The following FAT3 variants were observed in gnomAD, a reference collection of about 807,000 sequenced individuals.
FAT3 encodes protocadherin Fat 3.
FAT3 carries 95 observed loss-of-function variants against 310.2 expected under a neutral mutation model. The observed-to-expected ratio is 0.31, with a 90% CI of 0.26 to 0.36. The LOEUF is 0.36. FAT3 is among the 10% of genes least tolerant of loss of function. FAT3 has a pLI of 1.00. For synonymous variants in FAT3, 2,314 were observed against 2,192.9 expected (o/e 1.06, Z -1.54); for missense variants, 5,408 against 5,715.6 (o/e 0.95, Z 1.74).
At chr11:92,342,598 A>G (rs1347881945) in intron 1 of FAT3, among the ~76,000 whole-genome samples, 1 of 152,018 alleles carries the variant, frequency 6.6e-6, no homozygotes, top group African/African-American at 2.4e-5. Context: ...TCTGAACTAC[A>G]TTTTGCCCCC....
intron 1 of FAT3, among the ~76,000 whole-genome samples, chr11:92,256,483 TTATTAA>T (rs1865322264): frequency 6.6e-6 from 1 of 151,764 alleles, no homozygotes; most frequent in African/African-American, 2.4e-5. Context: ...AAAATTCGAG[TTATTAA>T]TATTATGAAC....
intron 2 of FAT3, among the ~76,000 whole-genome samples, chr11:92,468,742 G>A (rs140645666): frequency 6.8e-4 from 103 of 152,200 alleles, no homozygotes; most frequent in African/African-American, 2.4e-3. Flanking sequence ...AGAGTGAAGG[G>A]GTGGGGAAAC....
chr11:92,741,751 C>T (rs1945516087), intron 4 of FAT3, among the ~76,000 whole-genome samples: 2 of 152,102 alleles, frequency 1.3e-5, no homozygotes, highest in African/African-American at 4.8e-5. Flanking sequence ...TCCTGAGACC[C>T]ATTTCCCCAG....
chr11:92,358,819 T>C lies in FAT3; in HGVS notation c.3292+3415T>C, dbSNP rs552071109. Among the ~76,000 whole-genome samples, 43 of 152,314 alleles carry C rather than the reference T, an allele frequency of 2.8e-4. No individual in the cohort carries two copies. In the South Asian group the frequency reaches 8.3e-3, roughly 29 times the overall value. Reference sequence around the variant, plus strand: ...TTGCTTCCAAGTGCTAAAAAAAATATGGTTTGAGTTGCCAGCAGAATGAAA... The same window carrying C: ...TTGCTTCCAAGTGCTAAAAAAAATACGGTTTGAGTTGCCAGCAGAATGAAA... On this transcript the variant is annotated intron_variant, in intron 2 of 27. Transcript: ENST00000525166.
intron 3 of FAT3, among the ~76,000 whole-genome samples, chr11:92,672,940 G>T (rs1033047610): frequency 6.6e-6 from 1 of 152,222 alleles, no homozygotes. Flanking sequence ...GCTGTAAGGA[G>T]AATTCAGGTA....
At chr11:92,363,887 T>C (rs1948945649) in intron 2 of FAT3, among the ~76,000 whole-genome samples, 2 of 152,186 alleles carry the variant, frequency 1.3e-5, no homozygotes, top group South Asian at 2.1e-4. Flanking sequence ...GTAGTTGTCA[T>C]GTAAGCCAGG....
chr11:92,297,327 C>A (rs114997485), intron 1 of FAT3, among the ~76,000 whole-genome samples: 2,022 of 152,084 alleles, frequency 0.013, 48 homozygotes, highest in African/African-American at 0.045. Context: ...ATGGGGAAGG[C>A]CTTGTATTAG....
chr11:92,753,947 C>T (rs928397737), intron 4 of FAT3, among the ~76,000 whole-genome samples: 1 of 151,770 alleles, frequency 6.6e-6, no homozygotes, highest in Non-Finnish European at 1.5e-5. Flanking sequence ...GGGAGCTAAG[C>T]TATGAAGATG....
At chr11:92,420,672 C>A (rs908531504) in intron 2 of FAT3, among the ~76,000 whole-genome samples, 2 of 152,166 alleles carry the variant, frequency 1.3e-5, no homozygotes, top group African/African-American at 4.8e-5. Context: ...AGGACTATGG[C>A]ATCTTGACTC....
intron 6 of FAT3, chr11:92,766,890 G>A (rs1188907160): frequency 1.3e-5 from 2 of 152,198 alleles, no homozygotes; most frequent in Non-Finnish European, 2.9e-5. Context: ...CACCCCCAGA[G>A]TCACAGAAAG....
chr11:92,513,643 C>T (rs892589412), intron 2 of FAT3, among the ~76,000 whole-genome samples: 1 of 152,006 alleles, frequency 6.6e-6, no homozygotes, highest in Admixed American at 6.6e-5. Flanking sequence ...GAATAAGAAG[C>T]TAAAAAATCT....
intron 2 of FAT3, among the ~76,000 whole-genome samples, chr11:92,404,644 T>C (rs1453596812): frequency 6.6e-6 from 1 of 151,932 alleles, no homozygotes; most frequent in Non-Finnish European, 1.5e-5. Flanking sequence ...GCTAATTTTA[T>C]GTGTCCACTT....
At chr11:92,477,710 T>C (rs1952085082) in intron 2 of FAT3, among the ~76,000 whole-genome samples, 1 of 152,242 alleles carries the variant, frequency 6.6e-6, no homozygotes, top group South Asian at 2.1e-4. Context: ...CAACAGCTGG[T>C]ACCTGACCCT....
intron 3 of FAT3, among the ~76,000 whole-genome samples, chr11:92,606,915 G>A (rs545588368): frequency 6.6e-6 from 1 of 152,158 alleles, no homozygotes; most frequent in East Asian, 1.9e-4. Flanking sequence ...GACAGTGAAG[G>A]TGGCTGAGGG....
intron 1 of FAT3, among the ~76,000 whole-genome samples, chr11:92,276,896 A>T (rs1487972494): frequency 6.6e-6 from 1 of 152,146 alleles, no homozygotes; most frequent in Non-Finnish European, 1.5e-5. Context: ...CATTTCTAGT[A>T]CTAACTTTCT....
chr11:92,727,277 T>G (rs1945028417), intron 4 of FAT3, among the ~76,000 whole-genome samples: 1 of 152,128 alleles, frequency 6.6e-6, no homozygotes, highest in Admixed American at 6.5e-5. Flanking sequence ...AAAGACTTAT[T>G]TTTAGAAATA....
At chr11:92,242,894 A>G (rs1864724231) in intron 1 of FAT3, among the ~76,000 whole-genome samples, 1 of 152,044 alleles carries the variant, frequency 6.6e-6, no homozygotes, top group Non-Finnish European at 1.5e-5. Flanking sequence ...GTATTTATCC[A>G]AGGAACAATT....
Position 92,225,048 on chromosome 11 carries a change from C to G in FAT3, c.-144C>G, listed in dbSNP as rs930708787. Among the ~76,000 whole-genome samples, 2 of 152,058 alleles carry G rather than the reference C, an allele frequency of 1.3e-5. No homozygotes were observed. Among genetic ancestry groups the G allele is most frequent in the African/African-American group, 4.8e-5 (2 of 41,418 alleles). ...CTCGCGGCCTCAGTCCCGGCTAGCG[C>G]GCGGTGGGCGCTGCGGCGGCAGCAG... On this transcript the variant is annotated 5_prime_UTR_variant, in exon 1 of 28. Coordinates refer to ENST00000525166, the MANE Select transcript of FAT3 (RefSeq NM_001367949.2).
intron 2 of FAT3, among the ~76,000 whole-genome samples, chr11:92,439,251 A>T (rs1951016354): frequency 1.3e-5 from 2 of 152,114 alleles, no homozygotes; most frequent in African/African-American, 4.8e-5. Context: ...TTAAAAAAAC[A>T]GGCCAGTGCC....
Sources: allele counts gnomAD v4.1 joint callset (sites outside exome capture counted in the v4.1 genomes callset), GRCh38; gene constraint gnomAD v4.1.1; transcripts MANE v1.5; gene names NCBI Gene and HGNC (gene_info 2026-07-23, HGNC 2026-07-21).